AKAP19: variants seen among roughly 807,000 people sequenced by gnomAD.
The protein encoded by AKAP19 is A-kinase anchoring protein 19.
the AKAP19 span, among the ~76,000 whole-genome samples, chr2:190,114,546 C>A: frequency 6.6e-6 from 1 of 152,214 alleles, no homozygotes; most frequent in Non-Finnish European, 1.5e-5. Context: ...AGCTTCACCT[C>A]CTGGATTCAC....
the AKAP19 span, among the ~76,000 whole-genome samples, chr2:189,898,514 G>A: frequency 1.3e-5 from 2 of 151,778 alleles, no homozygotes; most frequent in Non-Finnish European, 2.9e-5. Flanking sequence ...TCATTTCCCA[G>A]TGTGCCCACA....
chr2:189,956,910 A>G, the AKAP19 span, among the ~76,000 whole-genome samples: 3 of 152,208 alleles, frequency 2.0e-5, no homozygotes, highest in South Asian at 2.1e-4. Context: ...GATAATTTCA[A>G]TTCAGCTTGA....
At chr2:189,939,709 CAGAG>C in the AKAP19 span, among the ~76,000 whole-genome samples, 2 of 152,244 alleles carry the variant, frequency 1.3e-5, no homozygotes, top group African/African-American at 4.8e-5. Flanking sequence ...GATAATTTAA[CAGAG>C]AGATTGAAAT....
the AKAP19 span, chr2:189,917,582 G>A: frequency 2.3e-6 from 1 of 438,848 alleles, no homozygotes; most frequent in South Asian, 2.9e-5. Flanking sequence ...CTTATTGCTG[G>A]GCTCCACATT....
the AKAP19 span, among the ~76,000 whole-genome samples, chr2:189,950,758 C>T: frequency 1.3e-5 from 2 of 152,032 alleles, no homozygotes; most frequent in Non-Finnish European, 2.9e-5. Context: ...ACTTTTCTTC[C>T]CACTAATGAC....
At chr2:189,893,534 C>A in the AKAP19 span, among the ~76,000 whole-genome samples, 2 of 152,208 alleles carry the variant, frequency 1.3e-5, no homozygotes, top group African/African-American at 2.4e-5. Flanking sequence ...TCAGCTTGCC[C>A]TCCATGGGCT....
At chr2:190,133,235 C>CAAAAAAA in the AKAP19 span, among the ~76,000 whole-genome samples, 3 of 58,106 alleles carry the variant, frequency 5.2e-5, no homozygotes, top group Non-Finnish European at 5.8e-5. Flanking sequence ...GAGACTCTGC[C>CAAAAAAA]AAAAAAAAAA....
At chr2:190,102,335 A>G in the AKAP19 span, among the ~76,000 whole-genome samples, 1 of 152,160 alleles carries the variant, frequency 6.6e-6, no homozygotes, top group South Asian at 2.1e-4. Context: ...AATAACTAAA[A>G]AAAAAGAGTA....
At chr2:190,175,135 G>A in the AKAP19 span, among the ~76,000 whole-genome samples, 18 of 152,130 alleles carry the variant, frequency 1.2e-4, no homozygotes, top group East Asian at 9.6e-4. Flanking sequence ...TTCCAGGCAC[G>A]TCTACCTCTT....
At chr2:190,189,705 C>T in the AKAP19 span, 3 of 152,180 alleles carry the variant, frequency 2.0e-5, no homozygotes, top group Non-Finnish European at 4.4e-5. Flanking sequence ...AGTTCAGGAA[C>T]AACACAATAA....
chr2:190,072,024 T>C, the AKAP19 span, among the ~76,000 whole-genome samples: 1 of 151,974 alleles, frequency 6.6e-6, no homozygotes, highest in East Asian at 1.9e-4. Context: ...AAAGAAAAAC[T>C]GCAGAACTGC....
At chr2:190,133,726 T>C in the AKAP19 span, among the ~76,000 whole-genome samples, 1 of 152,142 alleles carries the variant, frequency 6.6e-6, no homozygotes, top group Non-Finnish European at 1.5e-5. Flanking sequence ...TTAAGTGAAA[T>C]AAGCCAGGCA....
chr2:190,199,874 A>T, the AKAP19 span: 1 of 1,613,610 alleles, frequency 6.2e-7, no homozygotes. Flanking sequence ...GGCTGCATGA[A>T]ATCAAAGCAA....
chr2:190,033,809 C>T, the AKAP19 span, among the ~76,000 whole-genome samples: 1 of 152,222 alleles, frequency 6.6e-6, no homozygotes, highest in South Asian at 2.1e-4. Flanking sequence ...TCATCCATAC[C>T]TCTCGTCTGA....
chr2:190,124,944 C>G, the AKAP19 span, among the ~76,000 whole-genome samples: 1 of 151,984 alleles, frequency 6.6e-6, no homozygotes, highest in African/African-American at 2.4e-5. Flanking sequence ...TAGGCCTACA[C>G]AGGGTCAGAA....
chr2:190,035,117 G>T, the AKAP19 span, among the ~76,000 whole-genome samples: 1 of 152,048 alleles, frequency 6.6e-6, no homozygotes, highest in Non-Finnish European at 1.5e-5. Flanking sequence ...AGATTGAAAA[G>T]TTGGGACAAA....
chr2:190,027,935 A>G, the AKAP19 span, among the ~76,000 whole-genome samples: 7,579 of 152,206 alleles, frequency 0.05, 281 homozygotes, highest in Non-Finnish European at 0.068. Context: ...TTTATTTTGC[A>G]AAGTCCAACA....
chr2:190,026,368 C>T, the AKAP19 span, among the ~76,000 whole-genome samples: 3 of 152,136 alleles, frequency 2.0e-5, no homozygotes, highest in African/African-American at 7.2e-5. Context: ...ATCTTTGCAT[C>T]CCCACAATGT....
the AKAP19 span, among the ~76,000 whole-genome samples, chr2:190,130,679 G>C: frequency 6.6e-6 from 1 of 152,106 alleles, no homozygotes; most frequent in African/African-American, 2.4e-5. Flanking sequence ...AAAATGACTG[G>C]CTTGAGAAGG....
Sources: allele counts gnomAD v4.1 joint callset (sites outside exome capture counted in the v4.1 genomes callset), GRCh38; gene constraint gnomAD v4.1.1; transcripts MANE v1.5; gene names NCBI Gene and HGNC (gene_info 2026-07-23, HGNC 2026-07-21).